RALYL: variants seen among roughly 807,000 people sequenced by gnomAD.
RALYL encodes the protein RALY RNA binding protein like.
In RALYL, 29 loss-of-function variants were observed where a neutral mutation model predicts 35.1. The ratio of observed to expected loss-of-function variants is 0.83; its 90% CI spans 0.61 to 1.13. RALYL has a LOEUF of 1.13. Ranked by LOEUF, RALYL falls within the 50% of genes most tolerant of loss-of-function variation. The pLI is 0.00. For missense variants in RALYL, 359 were observed against 360.4 expected, an observed-to-expected ratio of 1.00 and a Z score of 0.03; for synonymous variants, 120 against 127.6, an observed-to-expected ratio of 0.94 and a Z score of 0.40.
intron 2 of RALYL, among the ~76,000 whole-genome samples, chr8:84,557,212 G>A (rs997487992): frequency 2.0e-5 from 3 of 152,188 alleles, no homozygotes; most frequent in Non-Finnish European, 2.9e-5. Flanking sequence ...ACTATGGTAC[G>A]AGATCATAGA....
intron 2 of RALYL, among the ~76,000 whole-genome samples, chr8:84,707,584 G>C (rs1257827362): frequency 1.3e-5 from 2 of 152,070 alleles, no homozygotes; most frequent in Non-Finnish European, 2.9e-5. Context: ...GTCAGAAGAT[G>C]TATAATTATA....
rs1823999538 is a variant in RALYL, at chr8:84,804,025, A to G, written c.333-745A>G. Among the ~76,000 whole-genome samples the G allele has an allele frequency of 2.0e-5, 3 of 152,240 alleles. No homozygotes were observed. In the South Asian group the frequency reaches 6.2e-4, roughly 32 times the overall value. Reference sequence around the variant, plus strand: ...CTTAATTATTATCTAGGAACTATTTAGAAGTGGATGCTTTCCTGATTTACT... The same window carrying G: ...CTTAATTATTATCTAGGAACTATTTGGAAGTGGATGCTTTCCTGATTTACT... On this transcript the variant is annotated intron_variant, in intron 3 of 8. Coordinates refer to ENST00000521268, the MANE Select transcript of RALYL (RefSeq NM_173848.7).
In RALYL at chr8:84,384,565, T is replaced by G. The variant is rs183469808; in HGVS notation, c.-23-144734T>G. Among the ~76,000 whole-genome samples, 629 of 151,932 alleles carry G rather than the reference T, an allele frequency of 4.1e-3. 6 individuals carry two copies. The highest frequency in any genetic ancestry group is 0.014 in the African/African-American group (593 of 41,526). ...ATACTTCTGAGAGTTTTTTCCTATC[T>G]CTTTCATTTCATAGCTTCCTTTCTC... On this transcript the variant is annotated intron_variant, in intron 1 of 8. Coordinates refer to ENST00000521268, the MANE Select transcript of RALYL (RefSeq NM_173848.7).
chr8:84,430,236 G>A (rs965811015), intron 1 of RALYL, among the ~76,000 whole-genome samples: 1 of 151,744 alleles, frequency 6.6e-6, no homozygotes, highest in African/African-American at 2.4e-5. Flanking sequence ...AATTTTTCAG[G>A]GTCACCATAA....
chr8:84,424,865 G>T (rs957662938), intron 1 of RALYL, among the ~76,000 whole-genome samples: 6 of 151,758 alleles, frequency 4.0e-5, no homozygotes, highest in Middle Eastern at 3.4e-3. Context: ...GCTGCTCGGG[G>T]GTCAGGGGTC....
At chr8:84,397,523 C>T (rs1242851773) in intron 1 of RALYL, among the ~76,000 whole-genome samples, 2 of 151,998 alleles carry the variant, frequency 1.3e-5, no homozygotes, top group Admixed American at 6.6e-5. Flanking sequence ...TGGTAACTGC[C>T]CATTATTACC....
chr8:84,869,714 T>G (rs570771938), intron 6 of RALYL, among the ~76,000 whole-genome samples: 13 of 152,298 alleles, frequency 8.5e-5, no homozygotes, highest in African/African-American at 3.1e-4. Context: ...AATCACCATG[T>G]TAAGAACCAC....
chr8:84,887,540 T>C, intron 7 of RALYL, 64 bp from the exon 8 acceptor site: 1 of 1,443,236 alleles, frequency 6.9e-7, no homozygotes, highest in South Asian at 1.4e-5. Flanking sequence ...TGTTTTTTCA[T>C]GGTTTATCCA....
chr8:84,364,644 T>C (rs1853816163), intron 1 of RALYL, among the ~76,000 whole-genome samples: 1 of 152,184 alleles, frequency 6.6e-6, no homozygotes, highest in Non-Finnish European at 1.5e-5. Context: ...ATTATGTGTG[T>C]AAAAGTTGTG....
intron 1 of RALYL, among the ~76,000 whole-genome samples, chr8:84,190,895 A>G (rs761794714): frequency 3.9e-5 from 6 of 152,040 alleles, no homozygotes; most frequent in Non-Finnish European, 7.4e-5. Flanking sequence ...TGAATGTAAA[A>G]GGGGCTGATA....
chr8:84,362,576 C>T (rs1482692663), intron 1 of RALYL, among the ~76,000 whole-genome samples: 1 of 152,160 alleles, frequency 6.6e-6, no homozygotes, highest in Admixed American at 6.5e-5. Flanking sequence ...CTGTTGTGAA[C>T]TGCACATGCG....
At chr8:84,785,947 A>C (rs1819348890) in intron 3 of RALYL, among the ~76,000 whole-genome samples, 1 of 152,186 alleles carries the variant, frequency 6.6e-6, no homozygotes, top group Non-Finnish European at 1.5e-5. Flanking sequence ...TAAGCCCAGC[A>C]TGCATTACCT....
At chr8:84,566,942 A>G (rs1357589062) in intron 2 of RALYL, among the ~76,000 whole-genome samples, 3 of 151,800 alleles carry the variant, frequency 2.0e-5, no homozygotes, top group Non-Finnish European at 4.4e-5. Context: ...TCTCATTTAC[A>G]GTTTCTTTTA....
chr8:84,920,480 G>A (rs1313515672), intron 8 of RALYL, among the ~76,000 whole-genome samples: 1 of 151,974 alleles, frequency 6.6e-6, no homozygotes, highest in African/African-American at 2.4e-5. Context: ...GATGCATAAG[G>A]CTTAGGACAG....
chr8:84,452,583 A>G (rs759547186), intron 1 of RALYL, among the ~76,000 whole-genome samples: 2 of 151,988 alleles, frequency 1.3e-5, no homozygotes, highest in Non-Finnish European at 2.9e-5. Context: ...ATTAGCAACC[A>G]ACAGGTAGTA....
chr8:84,837,839 A>G (rs1832336310), intron 4 of RALYL, among the ~76,000 whole-genome samples: 1 of 152,182 alleles, frequency 6.6e-6, no homozygotes, highest in African/African-American at 2.4e-5. Flanking sequence ...AACATTCAAA[A>G]CCATCATTTC....
chr8:84,184,861 ATGGGGG>A, intron 1 of RALYL: 1 of 1,014,784 alleles, frequency 9.9e-7, no homozygotes, highest in Non-Finnish European at 1.5e-6. Flanking sequence ...CACCCGGGAG[ATGGGGG>A]TAGAAGCGGC....
intron 2 of RALYL, among the ~76,000 whole-genome samples, chr8:84,539,864 ATATATATATATATGTATATATATGTG>A (rs1396786467): frequency 0.024 from 2,412 of 99,472 alleles, 51 homozygotes; most frequent in Non-Finnish European, 0.026. Flanking sequence ...GTATATATAT[ATATATATATATATGTATATATATGTG>A]TGTGTGTGTG....
chr8:84,251,097 T>C (rs1421523184), intron 1 of RALYL, among the ~76,000 whole-genome samples: 1 of 152,124 alleles, frequency 6.6e-6, no homozygotes, highest in Non-Finnish European at 1.5e-5. Flanking sequence ...ATTTACAAGT[T>C]ATTTTTGACT....
Sources: gnomAD v4.1 joint callset for allele counts (sites outside exome capture counted in the v4.1 genomes callset) on GRCh38, gnomAD v4.1.1 for gene constraint, MANE v1.5 for transcripts, NCBI Gene and HGNC (gene_info 2026-07-23, HGNC 2026-07-21) for gene names.